SASS6: variants seen among roughly 807,000 people sequenced by gnomAD.
SASS6 encodes spindle assembly abnormal protein 6 homolog.
Under a neutral mutation model 94.9 loss-of-function variants are expected in SASS6, and 59 were observed. The ratio of observed to expected loss-of-function variants is 0.62; its 90% CI spans 0.50 to 0.77. SASS6 has a LOEUF of 0.77. Among genes scored for constraint, SASS6 ranks in the 30% least tolerant of loss-of-function variants. SASS6 has a pLI of 0.00. For missense variants in SASS6, 698 were observed against 734.1 expected, an observed-to-expected ratio of 0.95 and a Z score of 0.57; for synonymous variants, 264 against 270.0, an observed-to-expected ratio of 0.98 and a Z score of 0.22.
chr1:100,110,841 G>A (rs1480678492), intron 7 of SASS6, among the ~76,000 whole-genome samples: 1 of 151,642 alleles, frequency 6.6e-6, no homozygotes, highest in African/African-American at 2.4e-5. Flanking sequence ...ACCTACTTGT[G>A]TATTAAAAAA....
chr1:100,127,268 A>G (rs1165893821), intron 1 of SASS6, among the ~76,000 whole-genome samples: 1 of 152,218 alleles, frequency 6.6e-6, no homozygotes, highest in Non-Finnish European at 1.5e-5. Context: ...AATTTGTTCA[A>G]TTTTAAGTTT....
chr1:100,109,854 C>T (rs1653170283), intron 8 of SASS6, among the ~76,000 whole-genome samples: 1 of 151,820 alleles, frequency 6.6e-6, no homozygotes, highest in Non-Finnish European at 1.5e-5. Flanking sequence ...GTACCTATCA[C>T]ATAGAAAATG....
At position 100,121,381 on chromosome 1, in the gene SASS6, G is replaced by A; in HGVS notation, c.480C>T (p.Ser160=). The change falls in exon 5 of 17, where the codon AGC becomes AGT. Residue 160 remains serine, a synonymous_variant. Coordinates refer to ENST00000287482, the MANE Select transcript of SASS6 (RefSeq NM_194292.3). ...ATAACTTAAATTTAAATCTTACCTTGCTACATTTCAAACAGCCTGCGAGAA... is the reference window on the plus strand; with the variant it reads ...ATAACTTAAATTTAAATCTTACCTTACTACATTTCAAACAGCCTGCGAGAA... The part of the protein sequence containing the change: ...KKFLAGCLKC[S]KEEKLSLMQS... 6.5e-7 allele frequency: 1 copy of A among 1,549,556 alleles called. No homozygotes were observed. Among genetic ancestry groups the A allele is most frequent in the Non-Finnish European group, 8.7e-7 (1 of 1,148,132 alleles).
chr1:100,122,497 A>G lies in SASS6; in HGVS notation c.207-13T>C. 1 of 1,126,436 alleles carries G rather than the reference A, an allele frequency of 8.9e-7. No homozygotes were observed. Among genetic ancestry groups the G allele is most frequent in the Admixed American group, 2.3e-5 (1 of 43,818 alleles). 69.8% of individuals were successfully genotyped at this position (1,126,436 alleles called of 1,614,324 possible). The stretch of plus-strand genomic sequence containing the variant: ...CTGGAATTTTAAACTATACAGAAGA[A>G]AGGAAAAGAAATTTTTTAAAAATTT... On this transcript the variant is annotated splice_polypyrimidine_tract_variant and intron_variant, in intron 3 of 16. Coordinates refer to ENST00000287482, the MANE Select transcript of SASS6 (RefSeq NM_194292.3).
chr1:100,127,832 G>C (rs959729441), intron 1 of SASS6, among the ~76,000 whole-genome samples: 16 of 151,820 alleles, frequency 1.1e-4, no homozygotes, highest in South Asian at 2.1e-4. Context: ...GTGGTGGGGT[G>C]GGGGAGGGGG....
chr1:100,115,041 C>G (rs1241477969), intron 7 of SASS6, among the ~76,000 whole-genome samples: 3 of 151,762 alleles, frequency 2.0e-5, no homozygotes, highest in Admixed American at 6.6e-5. Flanking sequence ...TAGTTATTTA[C>G]CAAAAAAGAC....
chr1:100,126,780 A>G (rs1430722062), intron 1 of SASS6, among the ~76,000 whole-genome samples: 1 of 152,212 alleles, frequency 6.6e-6, no homozygotes, highest in Non-Finnish European at 1.5e-5. Flanking sequence ...TCAAAAAATA[A>G]AATAAAATAA....
At position 100,106,900 on chromosome 1, in the gene SASS6, T is replaced by C. The variant is rs757602566; in HGVS notation, c.1408+12A>G. ...TACAAACCTCATTTACATTAACACGTAACATACTTACACTTTTCATTATTT... is the reference window on the plus strand; with the variant it reads ...TACAAACCTCATTTACATTAACACGCAACATACTTACACTTTTCATTATTT... On this transcript the variant is annotated intron_variant, in intron 12 of 16. Transcript: ENST00000287482. 1.0e-5 allele frequency: 11 copies of C among 1,081,790 alleles called. No homozygotes were observed. Among genetic ancestry groups the C allele is most frequent in the Non-Finnish European group, 1.1e-5 (8 of 705,710 alleles). 67.0% of individuals were successfully genotyped at this position (1,081,790 alleles called of 1,614,324 possible). A position where few individuals can be genotyped will look rare whatever the true frequency, so the allele number is the denominator to read the frequency against.
intron 7 of SASS6, among the ~76,000 whole-genome samples, chr1:100,111,155 T>C (rs1570699362): frequency 6.6e-6 from 1 of 152,132 alleles, no homozygotes; most frequent in East Asian, 1.9e-4. Context: ...AAGTTATACA[T>C]GCTCTTACAG....
At position 100,096,955 on chromosome 1, in the gene SASS6, A is replaced by C. The variant is rs919687344; in HGVS notation, c.1674+6000T>G. ...CATGGTGAACCCTGTCTCTACTAAA[A>C]AATACAAAAATTAGCTGGACGTGGT... On this transcript the variant is annotated intron_variant, in intron 14 of 16. Transcript: ENST00000287482. 2.6e-5 allele frequency among the ~76,000 whole-genome samples: 4 copies of C among 152,130 alleles called. No individual in the cohort carries two copies. In the East Asian group the frequency reaches 5.8e-4, roughly 22 times the overall value.
intron 14 of SASS6, among the ~76,000 whole-genome samples, chr1:100,090,961 T>A (rs765185606): frequency 2.6e-5 from 4 of 152,106 alleles, no homozygotes; most frequent in Admixed American, 6.6e-5. Context: ...GGTCACAGAA[T>A]AGCACACTTG....
At chr1:100,120,009 G>C (rs1377808070) in intron 6 of SASS6, among the ~76,000 whole-genome samples, 2 of 152,202 alleles carry the variant, frequency 1.3e-5, no homozygotes, top group Non-Finnish European at 2.9e-5. Flanking sequence ...AAGCCTATCA[G>C]AGGAATTAAT....
At position 100,088,166 on chromosome 1, in the gene SASS6, C is replaced by G. The variant is rs576637206; in HGVS notation, c.1745G>C (p.Ser582Thr). 1.9e-6 allele frequency: 3 copies of G among 1,599,810 alleles called. No individual in the cohort carries two copies. In the South Asian group the frequency reaches 3.3e-5, roughly 18 times the overall value. ...LGDVQSGATI[S>T]MPCSTDKENG... The stretch of plus-strand genomic sequence containing the variant: ...TTCCTTATCAGTTGAGCAAGGCATA[C>G]TAATAGTTGCTCCTGACTGAACATC... Residue 582 changes from serine to threonine, a missense_variant, in exon 15 of 17, where the codon AGT becomes ACT. Transcript: ENST00000287482.
At position 100,096,263 on chromosome 1, in the gene SASS6, A is replaced by C. The variant is rs774300256; in HGVS notation, c.1674+6692T>G. On this transcript the variant is annotated intron_variant, in intron 14 of 16. Transcript: ENST00000287482. ...CTTACATGGTCAACTGATTTTCAAC[A>C]AAGGTGCTTAGACAATTCAACAGAG... 4.3e-4 allele frequency among the ~76,000 whole-genome samples: 65 copies of C among 152,352 alleles called. 1 individual carries two copies. The highest frequency in any genetic ancestry group is 8.4e-4 in the Non-Finnish European group (57 of 68,034).
Position 100,105,896 on chromosome 1 carries a change from C to A in SASS6, c.1416G>T (p.Thr472=). 1.3e-6 allele frequency: 2 copies of A among 1,592,406 alleles called. No individual in the cohort carries two copies. The highest frequency in any genetic ancestry group is 1.8e-5 in the Admixed American group (1 of 56,778). Residue 472 remains threonine (T), a synonymous_variant, in exon 13 of 17, where the codon ACG becomes ACT. Coordinates refer to ENST00000287482, the MANE Select transcript of SASS6 (RefSeq NM_194292.3). ...QLLKNNEKLI[T]WLNKELNENQ... ...TTTCATTTAGTTCTTTATTTAACCA[C>A]GTGATTACTTAAATAAAAGAACAAG...
chr1:100,130,618 G>A (rs986497170), intron 1 of SASS6, among the ~76,000 whole-genome samples: 2 of 151,778 alleles, frequency 1.3e-5, no homozygotes, highest in East Asian at 1.9e-4. Context: ...GGGCCCAGGA[G>A]GTCAAGGCTG....
intron 7 of SASS6, among the ~76,000 whole-genome samples, chr1:100,117,162 C>T (rs1315795746): frequency 6.6e-6 from 1 of 151,354 alleles, no homozygotes; most frequent in Non-Finnish European, 1.5e-5. Flanking sequence ...GGCATGGTGG[C>T]ACATGTGTAA....
At chr1:100,112,568 C>T (rs1386476143) in intron 7 of SASS6, among the ~76,000 whole-genome samples, 1 of 151,998 alleles carries the variant, frequency 6.6e-6, no homozygotes, top group Non-Finnish European at 1.5e-5. Flanking sequence ...TATTAAAATG[C>T]CTTAAAGATA....
intron 7 of SASS6, among the ~76,000 whole-genome samples, chr1:100,115,590 A>T (rs1653735498): frequency 6.6e-6 from 1 of 152,148 alleles, no homozygotes; most frequent in Non-Finnish European, 1.5e-5. Flanking sequence ...CACTTTGGAA[A>T]GCCAAGGAAG....
Sources: gnomAD v4.1 joint callset for allele counts (sites outside exome capture counted in the v4.1 genomes callset) on GRCh38, gnomAD v4.1.1 for gene constraint, MANE v1.5 for transcripts, NCBI Gene and HGNC (gene_info 2026-07-23, HGNC 2026-07-21) for gene names.